Variants in OPRM1 observed in about 807,000 individuals in gnomAD.
The protein encoded by OPRM1 is opioid receptor mu 1, also known as mu-type opioid receptor.
Under a neutral mutation model 31.8 loss-of-function variants are expected in OPRM1, and 27 were observed. The ratio of observed to expected loss-of-function variants is 0.85; its 90% confidence interval spans 0.63 to 1.17. The LOEUF is 1.17. Ranked by LOEUF, OPRM1 falls within the 50% of genes most tolerant of loss-of-function variation. OPRM1 has a pLI of 0.00. For synonymous variants in OPRM1, 196 were observed against 189.9 expected (o/e 1.03, Z -0.26); for missense variants, 536 against 511.1 (o/e 1.05, Z -0.47).
At chr6:154,223,660 T>C (rs1008515745) in intron 3 of OPRM1, among the ~76,000 whole-genome samples, 3 of 152,238 alleles carry the variant, frequency 2.0e-5, no homozygotes, top group African/African-American at 7.2e-5. Context: ...ATTCTTGATA[T>C]ATATGGTGCC....
At position 154,131,959 on chromosome 6, in the gene OPRM1, T is replaced by C. The variant is rs1797922202; in HGVS notation, c.*13238T>C. Among the ~76,000 whole-genome samples the C allele has an allele frequency of 7.6e-6, 1 of 131,316 alleles. No individual in the cohort carries two copies. Among genetic ancestry groups the C allele is most frequent in the Non-Finnish European group, 1.7e-5 (1 of 60,360 alleles). 86.1% of individuals were successfully genotyped at this position (131,316 alleles called of 152,430 possible). On this transcript the variant is annotated 3_prime_UTR_variant, in exon 4 of 4. Transcript: ENST00000330432. ...AGTTTTTGGTTTTTTTTTTTTTTTC[T>C]CTTCATTAGTGTGTTAGTTCCATCA...
intron 3 of OPRM1, among the ~76,000 whole-genome samples, chr6:154,104,771 T>C (rs1795346593): frequency 6.6e-6 from 1 of 152,238 alleles, no homozygotes. Context: ...TAAGCTCTTT[T>C]TAAATTGGCT....
At chr6:154,218,289 T>C (rs1255576211) in intron 3 of OPRM1, among the ~76,000 whole-genome samples, 1 of 152,222 alleles carries the variant, frequency 6.6e-6, no homozygotes, top group Non-Finnish European at 1.5e-5. Context: ...CTTCCCACAG[T>C]GTCTGAGAAA....
At chr6:154,097,766 TC>T (rs1320423392) in intron 3 of OPRM1, among the ~76,000 whole-genome samples, 1 of 152,210 alleles carries the variant, frequency 6.6e-6, no homozygotes, top group African/African-American at 2.4e-5. Context: ...AATGTGTTTA[TC>T]CCTAGAAAAA....
intron 1 of OPRM1, among the ~76,000 whole-genome samples, chr6:154,045,180 G>T (rs569417125): frequency 6.6e-6 from 1 of 151,932 alleles, no homozygotes; most frequent in South Asian, 2.1e-4. Flanking sequence ...AGCCGAGATC[G>T]CACCACTGCA....
At chr6:154,172,027 T>C (rs1290329564) in intron 3 of OPRM1, among the ~76,000 whole-genome samples, 1 of 152,214 alleles carries the variant, frequency 6.6e-6, no homozygotes, top group East Asian at 1.9e-4. Context: ...TTTACATTTC[T>C]CTGTGTTCAC....
In OPRM1 at chr6:154,192,318, C is replaced by CTGTGTGTGTGTGTG. The variant is rs56231733; in HGVS notation, c.1165-54353_1165-54340dup. Among the ~76,000 whole-genome samples the CTGTGTGTGTGTGTG allele has an allele frequency of 5.7e-3, 839 of 148,088 alleles. 10 individuals are homozygous for CTGTGTGTGTGTGTG. Among genetic ancestry groups the CTGTGTGTGTGTGTG allele is most frequent in the African/African-American group, 0.017 (675 of 40,050 alleles). On this transcript the variant is annotated intron_variant, in intron 3 of 3. Coordinates refer to the OPRM1 transcript ENST00000337049. ...GACCCAAATGGTGGCCACGTGGTTA[C>CTGTGTGTGTGTGTG]TGTGTGTGTGTGTGTGTGTGTGTGT...
At chr6:154,152,008 C>G (rs902768649) in intron 3 of OPRM1, among the ~76,000 whole-genome samples, 2 of 151,760 alleles carry the variant, frequency 1.3e-5, no homozygotes, top group African/African-American at 4.8e-5. Flanking sequence ...AACCCTGTCT[C>G]TACTAAAAAT....
At chr6:154,104,139 T>C (rs1583563549) in intron 3 of OPRM1, among the ~76,000 whole-genome samples, 1 of 152,328 alleles carries the variant, frequency 6.6e-6, no homozygotes, top group East Asian at 1.9e-4. Context: ...ATAATATTCC[T>C]GCCTAGCTAT....
intron 3 of OPRM1, among the ~76,000 whole-genome samples, chr6:154,103,808 G>T (rs1020778420): frequency 6.6e-6 from 1 of 152,072 alleles, no homozygotes; most frequent in Non-Finnish European, 1.5e-5. Flanking sequence ...ACAACCAGGG[G>T]TCACTCTTGT....
chr6:154,061,324 G>A (rs187588842), intron 1 of OPRM1, among the ~76,000 whole-genome samples: 69 of 152,214 alleles, frequency 4.5e-4, no homozygotes, highest in Non-Finnish European at 1.0e-4. Flanking sequence ...ACACTGCCAT[G>A]TTACCCGCAC....
chr6:154,200,526 G>GC (rs1776979086), intron 3 of OPRM1, among the ~76,000 whole-genome samples: 1 of 152,072 alleles, frequency 6.6e-6, no homozygotes, highest in Non-Finnish European at 1.5e-5. Context: ...TTTGAGACCA[G>GC]CCGGGCCAGT....
chr6:154,145,563 T>G (rs1583654172), intron 3 of OPRM1, among the ~76,000 whole-genome samples: 1 of 152,290 alleles, frequency 6.6e-6, no homozygotes, highest in Non-Finnish European at 1.5e-5. Context: ...GAAATAAAGA[T>G]GTCAATTCTT....
chr6:154,043,532 T>C (rs1780494153), intron 1 of OPRM1, among the ~76,000 whole-genome samples: 1 of 136,408 alleles, frequency 7.3e-6, no homozygotes, highest in South Asian at 2.1e-4. Context: ...TATATGTGTG[T>C]GTGTGTATAT....
In OPRM1 at chr6:154,129,262, A is replaced by C. The variant is rs1797755728; in HGVS notation, c.*10541A>C. 6.6e-6 allele frequency among the ~76,000 whole-genome samples: 1 copy of C among 152,228 alleles called. No homozygotes were observed. The highest frequency in any genetic ancestry group is 2.4e-5 in the African/African-American group (1 of 41,466). On this transcript the variant is annotated 3_prime_UTR_variant, in exon 4 of 4. Coordinates refer to ENST00000330432, the MANE Select transcript of OPRM1 (RefSeq NM_000914.5). ...CTGGGAGGAACAGAACAGGACAGGG[A>C]GTTCTTCTATACAATAGAGAACAGA...
intron 3 of OPRM1, among the ~76,000 whole-genome samples, chr6:154,240,062 G>C (rs985154994): frequency 6.6e-6 from 1 of 152,092 alleles, no homozygotes. Flanking sequence ...GCTGGTTCTT[G>C]GCTAAGACAA....
At chr6:154,191,502 T>C (rs1435557946) in intron 3 of OPRM1, among the ~76,000 whole-genome samples, 1 of 151,976 alleles carries the variant, frequency 6.6e-6, no homozygotes, top group Non-Finnish European at 1.5e-5. Context: ...AGTGAAACCC[T>C]GTCTCTACTG....
chr6:154,036,041 A>G (rs2128390468), upstream of OPRM1, among the ~76,000 whole-genome samples: 1 of 152,186 alleles, frequency 6.6e-6, no homozygotes, highest in African/African-American at 2.4e-5. Flanking sequence ...TTTATGAGAG[A>G]CTTGAACTTT....
At chr6:154,214,136 G>C (rs1778191576) in intron 3 of OPRM1, 4 of 905,946 alleles carry the variant, frequency 4.4e-6, no homozygotes, top group South Asian at 2.6e-5. Context: ...ACTATACATA[G>C]AACTTGACAT....
Sources: gnomAD v4.1 joint callset for allele counts (sites outside exome capture counted in the v4.1 genomes callset) on GRCh38, gnomAD v4.1.1 for gene constraint, MANE v1.5 for transcripts, NCBI Gene and HGNC (gene_info 2026-07-23, HGNC 2026-07-21) for gene names.